GUCY1A2: variants seen among roughly 807,000 people sequenced by gnomAD.
The protein encoded by GUCY1A2 is guanylate cyclase soluble subunit alpha-2.
In GUCY1A2, 27 loss-of-function variants were observed where a neutral mutation model predicts 63.5. The observed-to-expected ratio is 0.43, with a 90% CI of 0.31 to 0.59. The LOEUF (loss-of-function observed/expected upper bound fraction) is 0.59. Ranked by LOEUF, GUCY1A2 falls within the 20% of genes least tolerant of loss-of-function variation. The probability of loss-of-function intolerance (pLI) is 0.11; values close to 1 mark genes in which losing one functional copy is unlikely to be tolerated. For missense variants in GUCY1A2, 768 were observed against 913.3 expected (o/e 0.84, Z 2.05); for synonymous variants, 364 against 343.5 (o/e 1.06, Z -0.66).
chr11:106,777,327 G>A (rs1355779948), intron 5 of GUCY1A2, among the ~76,000 whole-genome samples: 3 of 151,628 alleles, frequency 2.0e-5, no homozygotes, highest in African/African-American at 7.3e-5. Context: ...CGTGCCTGTG[G>A]TCCCAGCTAG....
rs147303390 is a variant in GUCY1A2, at chr11:106,862,044, C to T, written c.1207-51566G>A. Among the ~76,000 whole-genome samples, 174 of 152,048 alleles carry T rather than the reference C, an allele frequency of 1.1e-3. No individual in the cohort carries two copies. The East Asian group carries it at 0.012, about 11-fold the overall frequency. On this transcript the variant is annotated intron_variant, in intron 4 of 7. Transcript: ENST00000526355. ...ATAAATGAAAAATGCAAAATTATGT[C>T]GTCAGTCCCCTTCGTCAACACAGAT...
intron 4 of GUCY1A2, among the ~76,000 whole-genome samples, chr11:106,858,344 A>G (rs1393116527): frequency 6.6e-6 from 1 of 152,162 alleles, no homozygotes; most frequent in Admixed American, 6.6e-5. Context: ...GCAATTTGTA[A>G]AGTTGAAAAG....
At chr11:106,787,214 G>A (rs1486932106) in intron 5 of GUCY1A2, among the ~76,000 whole-genome samples, 1 of 150,988 alleles carries the variant, frequency 6.6e-6, no homozygotes, top group African/African-American at 2.4e-5. Flanking sequence ...TTTTACTATA[G>A]TCATCCTGTT....
chr11:106,682,792 T>C lies in GUCY1A2; in HGVS notation c.*4757A>G, dbSNP rs562409280. On this transcript the variant is annotated 3_prime_UTR_variant, in exon 8 of 8. Coordinates refer to ENST00000526355, the MANE Select transcript of GUCY1A2 (RefSeq NM_000855.3). ...ACTTCCTGTGTTATAAATGTATCAG[T>C]GACCTTTTTTAATTAAAGGAAAGAA... is the stretch of plus-strand genomic sequence containing the variant. 4.7e-6 allele frequency: 1 copy of C among 211,556 alleles called. No individual in the cohort carries two copies. The highest frequency in any genetic ancestry group is 5.9e-5 in the Admixed American group (1 of 17,036). The allele number at this position is 211,556 out of a possible 1,614,324, so 13.1% of individuals were successfully genotyped here. A position where few individuals can be genotyped will look rare whatever the true frequency, so the allele number is the denominator to read the frequency against.
chr11:106,715,847 G>C (rs1441244883), intron 6 of GUCY1A2, among the ~76,000 whole-genome samples: 1 of 152,156 alleles, frequency 6.6e-6, no homozygotes, highest in Non-Finnish European at 1.5e-5. Context: ...TGTTGTTTTA[G>C]AGTTTTCATT....
At chr11:106,895,861 A>T (rs1860040413) in intron 4 of GUCY1A2, among the ~76,000 whole-genome samples, 1 of 152,082 alleles carries the variant, frequency 6.6e-6, no homozygotes, top group African/African-American at 2.4e-5. Context: ...AACAAAATAG[A>T]TTCACAAATC....
chr11:106,942,955 AT>A (rs1860771024), intron 3 of GUCY1A2, among the ~76,000 whole-genome samples: 2 of 152,264 alleles, frequency 1.3e-5, no homozygotes, highest in African/African-American at 2.4e-5. Context: ...AAAAAAATGA[AT>A]TTTTTTGAAT....
chr11:106,841,790 C>T (rs569192050), intron 4 of GUCY1A2, among the ~76,000 whole-genome samples: 1 of 152,054 alleles, frequency 6.6e-6, no homozygotes, highest in East Asian at 1.9e-4. Flanking sequence ...AATATACATA[C>T]ACACATAAGT....
chr11:106,978,565 C>T, intron 3 of GUCY1A2, 54 bp downstream of exon 3: 1 of 1,235,364 alleles, frequency 8.1e-7, no homozygotes, highest in Non-Finnish European at 1.1e-6. Flanking sequence ...TCCACCTCGA[C>T]TTTCCCTCTC....
chr11:106,870,899 T>C (rs753499590), intron 4 of GUCY1A2, among the ~76,000 whole-genome samples: 10 of 152,142 alleles, frequency 6.6e-5, no homozygotes, highest in Non-Finnish European at 1.3e-4. Context: ...CCCAGGTTTC[T>C]TCCCCCTATT....
At chr11:106,709,215 T>C (rs113438450) in intron 6 of GUCY1A2, among the ~76,000 whole-genome samples, 2 of 116,950 alleles carry the variant, frequency 1.7e-5, no homozygotes, top group East Asian at 4.8e-4. Context: ...ATGTATATTA[T>C]ATATAGTTAT....
At chr11:106,725,809 T>TTGAC (rs1327716100) in intron 6 of GUCY1A2, among the ~76,000 whole-genome samples, 1 of 152,142 alleles carries the variant, frequency 6.6e-6, no homozygotes, top group Non-Finnish European at 1.5e-5. Context: ...AATTAAATGC[T>TTGAC]TGACTCTCCA....
chr11:106,691,271 A>G (rs1266463149), intron 7 of GUCY1A2, among the ~76,000 whole-genome samples: 6 of 152,228 alleles, frequency 3.9e-5, no homozygotes, highest in Non-Finnish European at 4.4e-5. Flanking sequence ...TAGCAATACA[A>G]TGATACAACA....
intron 1 of GUCY1A2, among the ~76,000 whole-genome samples, chr11:106,988,486 C>A (rs1320999745): frequency 6.6e-6 from 1 of 151,444 alleles, no homozygotes; most frequent in Non-Finnish European, 1.5e-5. Context: ...TTTTCTGTAC[C>A]AGGAATTTCC....
At chr11:106,802,028 T>G (rs572485204) in intron 5 of GUCY1A2, among the ~76,000 whole-genome samples, 1 of 152,314 alleles carries the variant, frequency 6.6e-6, no homozygotes, top group South Asian at 2.1e-4. Context: ...TTTCACTTTT[T>G]AAATCACTGT....
At chr11:106,766,923 AG>A (rs1864174237) in intron 6 of GUCY1A2, among the ~76,000 whole-genome samples, 1 of 152,092 alleles carries the variant, frequency 6.6e-6, no homozygotes, top group Non-Finnish European at 1.5e-5. Context: ...TGTCTCTACC[AG>A]GGAAAAAATA....
chr11:106,939,292 T>C (rs1197893070), intron 4 of GUCY1A2, among the ~76,000 whole-genome samples, 168 bp downstream of exon 4: 1 of 152,228 alleles, frequency 6.6e-6, no homozygotes, highest in African/African-American at 2.4e-5. Flanking sequence ...GCAAAATGGC[T>C]GGGAATGAGG....
At chr11:106,867,550 T>C (rs1010186755) in intron 4 of GUCY1A2, among the ~76,000 whole-genome samples, 8 of 152,054 alleles carry the variant, frequency 5.3e-5, no homozygotes, top group African/African-American at 1.9e-4. Context: ...TACATCCTCA[T>C]CCAAGATCCA....
chr11:106,837,961 C>T (rs1453732871), intron 4 of GUCY1A2, among the ~76,000 whole-genome samples: 1 of 151,936 alleles, frequency 6.6e-6, no homozygotes. Flanking sequence ...TCCTGTCTTA[C>T]TCCATGCTTT....
Sources: allele counts gnomAD v4.1 joint callset (sites outside exome capture counted in the v4.1 genomes callset), GRCh38; gene constraint gnomAD v4.1.1; transcripts MANE v1.5; gene names NCBI Gene and HGNC (gene_info 2026-07-23, HGNC 2026-07-21).